The following PLXNB2 variants were observed in gnomAD, a reference collection of about 807,000 sequenced individuals.
PLXNB2 encodes plexin B2.
In PLXNB2, 85 loss-of-function variants were observed where a neutral mutation model predicts 202.6. The observed-to-expected ratio is 0.42, with a 90% CI of 0.35 to 0.50. The LOEUF (loss-of-function observed/expected upper bound fraction) is 0.50. Ranked by LOEUF, PLXNB2 falls within the 20% of genes least tolerant of loss-of-function variation. The probability of loss-of-function intolerance (pLI) is 0.02; values close to 1 mark genes in which losing one functional copy is unlikely to be tolerated. For missense variants in PLXNB2, 2,063 were observed against 2,586.2 expected, an observed-to-expected ratio of 0.80 and a Z score of 4.39; for synonymous variants, 1,239 against 1,137.6, an observed-to-expected ratio of 1.09 and a Z score of -1.79.
Position 50,282,798 on chromosome 22 carries a change from C to A in PLXNB2, c.2900G>T (p.Gly967Val). The change falls in exon 18 of 37, where the codon GGG becomes GTG. Residue 967 changes from glycine to valine, a missense_variant. By Grantham distance (109) the Gly-to-Val change is moderately radical. Transcript: ENST00000359337. ...GQMLLEVSYGGSPVPNPGIFF... is the reference protein window; with the variant it reads ...GQMLLEVSYGVSPVPNPGIFF... ...GATGCCGGGGTTGGGCACGGGGGAC[C>A]CCCCGTAGGAGACCTCCAGAAGCAT... The A allele has an allele frequency of 1.2e-6, 2 of 1,610,212 alleles. No individual in the cohort carries two copies. Among genetic ancestry groups the A allele is most frequent in the Non-Finnish European group, 1.7e-6 (2 of 1,179,016 alleles).
At chr22:50,303,643 A>T (rs2067787883) in intron 1 of PLXNB2, among the ~76,000 whole-genome samples, 1 of 152,244 alleles carries the variant, frequency 6.6e-6, no homozygotes, top group Non-Finnish European at 1.5e-5. Context: ...TGCGGGACTC[A>T]GCTGGGGCAG....
At chr22:50,295,751 G>A (rs2067216337) in intron 1 of PLXNB2, among the ~76,000 whole-genome samples, 1 of 152,114 alleles carries the variant, frequency 6.6e-6, no homozygotes, top group Non-Finnish European at 1.5e-5. Flanking sequence ...CCTGGGTGCA[G>A]TATTTGGCCC....
At position 50,275,873 on chromosome 22, in the gene PLXNB2, G is replaced by A. The variant is rs751650772; in HGVS notation, c.5412+16C>T. 2.4e-5 allele frequency: 39 copies of A among 1,610,546 alleles called. 1 individual carries two copies. The highest frequency in any genetic ancestry group is 1.6e-4 in the Middle Eastern group (1 of 6,076). ...CAGCACCCCACCTGCCCCCGCCCCC[G>A]GGGGCCTGACCCTACCTCGTCATAG... is the stretch of plus-strand genomic sequence containing the variant. On this transcript the variant is annotated intron_variant, in intron 36 of 36. Transcript: ENST00000359337.
At position 50,284,247 on chromosome 22, in the gene PLXNB2, GC is replaced by G; in HGVS notation, c.2182-35del. 6.3e-7 allele frequency: 1 copy of G among 1,598,558 alleles called. No individual in the cohort carries two copies. Among genetic ancestry groups the G allele is most frequent in the Admixed American group, 1.7e-5 (1 of 59,988 alleles). On this transcript the variant is annotated intron_variant, in intron 12 of 36. Transcript: ENST00000359337. This position sits in a 1 kb window ranked among gnomAD's most constrained non-coding sequence, Gnocchi z 8.0. ...CACGCAGGGGCACACTGCACTTCCT[GC>G]CCCCACAGAGGGGCGTGGGGCGGGG... is the stretch of plus-strand genomic sequence containing the variant.
In PLXNB2 at chr22:50,282,229, C is replaced by A; in HGVS notation, c.3072G>T (p.Gln1024His). The change falls in exon 19 of 37, where the codon CAG becomes CAT. Residue 1024 changes from glutamine to histidine, a missense_variant. Around this residue, in one of 2 missense-constraint regions of PLXNB2, gnomAD observed 1,303 missense variants for 1,476.8 expected, o/e 0.88. Coordinates refer to ENST00000359337, the MANE Select transcript of PLXNB2 (RefSeq NM_012401.4). ...FAMVVIAEPL[Q>H]SWQPPREAES... ...CAGCCTCCCGCGGCGGCTGCCAGGA[C>A]TGCAGGGGCTCCGCGATGACCACCA... 1.2e-6 allele frequency: 2 copies of A among 1,612,318 alleles called. No homozygotes were observed. Among genetic ancestry groups the A allele is most frequent in the Non-Finnish European group, 1.7e-6 (2 of 1,179,840 alleles).
In PLXNB2 at chr22:50,279,099, C is replaced by T. The variant is rs963542185; in HGVS notation, c.4390-88G>A. ...GCCACTCCCTGCCCCGCCAGCTTTG[C>T]CCACCACAGCGGCACCCTTGGGCAG... On this transcript the variant is annotated intron_variant, in intron 27 of 36. Coordinates refer to ENST00000359337, the MANE Select transcript of PLXNB2 (RefSeq NM_012401.4). 7 of 1,400,478 alleles carry T rather than the reference C, an allele frequency of 5.0e-6. No individual in the cohort carries two copies. The African/African-American group carries it at 8.6e-5, about 17-fold the overall frequency. The allele number at this position is 1,400,478 out of a possible 1,614,324, so 86.8% of individuals were successfully genotyped here. A position where few individuals can be genotyped will look rare whatever the true frequency, so the allele number is the denominator to read the frequency against.
intron 35 of PLXNB2, 126 bp from the exon 36 acceptor site, chr22:50,276,089 G>A: frequency 1.1e-6 from 1 of 870,428 alleles, no homozygotes. Flanking sequence ...GGCACAGCTG[G>A]CACTTGGGGC....
chr22:50,284,486 C>T lies in PLXNB2; in HGVS notation c.2181+87G>A. The T allele has an allele frequency of 9.7e-7, 1 of 1,028,214 alleles. No homozygotes were observed. Among genetic ancestry groups the T allele is most frequent in the Non-Finnish European group, 1.5e-6 (1 of 680,028 alleles). The allele number at this position is 1,028,214 out of a possible 1,614,324, so 63.7% of individuals were successfully genotyped here. On this transcript the variant is annotated intron_variant, in intron 12 of 36. Transcript: ENST00000359337. The surrounding 1 kb of genome is among the most constrained non-coding windows in gnomAD (Gnocchi z 8.0). ...TGGTCCCTGGGGTCTCCCTGCTGCC[C>T]CTCCCCTCACAGTCCTGAAGGTGAC... is the stretch of plus-strand genomic sequence containing the variant.
At chr22:50,301,660 G>T (rs867282276) in intron 1 of PLXNB2, among the ~76,000 whole-genome samples, 2 of 152,214 alleles carry the variant, frequency 1.3e-5, no homozygotes, top group African/African-American at 4.8e-5. Context: ...ACCAGGTCCT[G>T]CCTGGATGCA....
intron 27 of PLXNB2, among the ~76,000 whole-genome samples, chr22:50,279,418 T>C (rs543729869): frequency 6.8e-4 from 104 of 152,256 alleles, no homozygotes; most frequent in Non-Finnish European, 8.4e-4. Context: ...CGGGAAGAGC[T>C]GATGCGGGGC....
chr22:50,281,053 G>A, intron 23 of PLXNB2, 36 bp downstream of exon 23: 1 of 1,603,872 alleles, frequency 6.2e-7, no homozygotes, highest in Non-Finnish European at 8.5e-7. Context: ...CCCGCCCCAG[G>A]AGGCGCCCCA....
chr22:50,296,063 C>A (rs1428344693), intron 1 of PLXNB2, among the ~76,000 whole-genome samples: 7 of 152,050 alleles, frequency 4.6e-5, no homozygotes, highest in Non-Finnish European at 1.0e-4. Flanking sequence ...GATCGCGCCA[C>A]TGCACTCCAG....
In PLXNB2 at chr22:50,299,137, G is replaced by T. The variant is rs894006276; in HGVS notation, c.-73-4359C>A. On this transcript the variant is annotated intron_variant, in intron 1 of 36. Coordinates refer to ENST00000359337, the MANE Select transcript of PLXNB2 (RefSeq NM_012401.4). ...AGGGGCCAAGATGGGGATCCAGGCA[G>T]CAGCCGCCATGAAGAACGAGGAGAG... 5.3e-5 allele frequency among the ~76,000 whole-genome samples: 8 copies of T among 152,350 alleles called. No homozygotes were observed. In the East Asian group the frequency reaches 1.5e-3, roughly 29 times the overall value.
intron 2 of PLXNB2, among the ~76,000 whole-genome samples, chr22:50,293,316 C>T (rs1452568461): frequency 1.3e-5 from 2 of 152,196 alleles, no homozygotes; most frequent in Non-Finnish European, 2.9e-5. Flanking sequence ...AGCCCATGGC[C>T]CTACCAGGGA....
intron 1 of PLXNB2, among the ~76,000 whole-genome samples, chr22:50,303,068 C>T (rs1326708026): frequency 6.6e-6 from 1 of 151,894 alleles, no homozygotes; most frequent in East Asian, 1.9e-4. Flanking sequence ...CCCATGCCAC[C>T]CTACCACGTC....
chr22:50,294,201 A>C (rs1408507817), intron 2 of PLXNB2, among the ~76,000 whole-genome samples: 3 of 152,182 alleles, frequency 2.0e-5, no homozygotes, highest in Non-Finnish European at 2.9e-5. Context: ...ACCCCCACTT[A>C]CGGGGCTGGC....
chr22:50,281,454 C>T lies in PLXNB2; in HGVS notation c.3568G>A (p.Asp1190Asn), dbSNP rs750933296. The T allele has an allele frequency of 8.7e-6, 14 of 1,612,358 alleles. No individual in the cohort carries two copies. The highest frequency in any genetic ancestry group is 1.3e-5 in the African/African-American group (1 of 74,908). ...REWVLGRVEY[D>N]TRVSDVPLSL... Reference sequence around the variant, plus strand: ...AGCGGCACGTCGCTCACCCGTGTGTCGTACTCCACGCGGCCCAGCACCCAC... The same window carrying T: ...AGCGGCACGTCGCTCACCCGTGTGTTGTACTCCACGCGGCCCAGCACCCAC... Residue 1190 changes from aspartate to asparagine, a missense_variant, in exon 22 of 37, where the codon GAC (aspartate) becomes AAC (asparagine). Physicochemically the swap from Asp to Asn is conservative, Grantham distance 23. This residue lies in a region of PLXNB2 where 760 missense variants were observed against 1,109.4 expected (regional missense o/e 0.69). Coordinates refer to ENST00000359337, the MANE Select transcript of PLXNB2 (RefSeq NM_012401.4).
At position 50,275,702 on chromosome 22, in the gene PLXNB2, G is replaced by A; in HGVS notation, c.*2C>T. The A allele has an allele frequency of 6.3e-7, 1 of 1,587,144 alleles. No homozygotes were observed. Among genetic ancestry groups the A allele is most frequent in the Non-Finnish European group, 8.6e-7 (1 of 1,162,142 alleles). ...TCCCAAGGCAGCACTGGAGATTGTA[G>A]GTCAGAGGTCAGTGACCTTGTTCTC... On this transcript the variant is annotated 3_prime_UTR_variant, in exon 37 of 37. Coordinates refer to ENST00000359337, the MANE Select transcript of PLXNB2 (RefSeq NM_012401.4).
intron 1 of PLXNB2, among the ~76,000 whole-genome samples, chr22:50,304,148 C>A (rs1398741628): frequency 6.6e-6 from 1 of 152,164 alleles, no homozygotes; most frequent in Non-Finnish European, 1.5e-5. Context: ...ACCCCCAGCT[C>A]CACAGCCAGG....
Sources: gnomAD v4.1 joint callset for allele counts (sites outside exome capture counted in the v4.1 genomes callset) on GRCh38, gnomAD v4.1.1 for gene constraint, gnomAD v4.1.1 regional missense constraint, Gnocchi (gnomAD v3.1) non-coding constraint, MANE v1.5 for transcripts, NCBI Gene and HGNC (gene_info 2026-07-23, HGNC 2026-07-21) for gene names.